The following ZDHHC2 variants were observed in gnomAD, a reference collection of about 807,000 sequenced individuals.
ZDHHC2 encodes the protein zDHHC palmitoyltransferase 2.
ZDHHC2 carries 51 observed loss-of-function variants against 55.6 expected under a neutral mutation model. The observed-to-expected ratio is 0.92, with a 90% CI of 0.73 to 1.16. The LOEUF (loss-of-function observed/expected upper bound fraction) is 1.16. Among genes scored for constraint, ZDHHC2 ranks in the 50% most tolerant of loss-of-function variants. The probability of loss-of-function intolerance (pLI) is 0.00; values close to 1 mark genes in which losing one functional copy is unlikely to be tolerated. For synonymous variants in ZDHHC2, 199 were observed against 152.9 expected (o/e 1.30, Z -2.22); for missense variants, 491 against 442.4 (o/e 1.11, Z -0.99).
intron 12 of ZDHHC2, 85 bp downstream of exon 12, chr8:17,217,331 A>G (rs945486469): frequency 4.0e-6 from 4 of 1,000,048 alleles, no homozygotes; most frequent in African/African-American, 1.6e-5. Context: ...AACATTTTTA[A>G]TAATTTGTGA....
chr8:17,192,289 G>A (rs1455337026), intron 3 of ZDHHC2, among the ~76,000 whole-genome samples: 1 of 152,056 alleles, frequency 6.6e-6, no homozygotes, highest in African/African-American at 2.4e-5. Context: ...CCTGCCCTTT[G>A]CCTATCTTTA....
chr8:17,178,975 G>A (rs1805294544), intron 1 of ZDHHC2, among the ~76,000 whole-genome samples: 1 of 151,912 alleles, frequency 6.6e-6, no homozygotes. Flanking sequence ...TTTTGAGACA[G>A]GGTCACGCTC....
intron 10 of ZDHHC2, among the ~76,000 whole-genome samples, chr8:17,211,841 C>G (rs1807397988): frequency 6.6e-6 from 1 of 151,886 alleles, no homozygotes. Context: ...TCCCACAGAG[C>G]TAAATGTTTA....
chr8:17,167,218 C>G (rs951042854), intron 1 of ZDHHC2, among the ~76,000 whole-genome samples: 4 of 151,952 alleles, frequency 2.6e-5, no homozygotes, highest in African/African-American at 9.7e-5. Context: ...ATGTTGAATC[C>G]TACATGAGGG....
At chr8:17,160,806 C>A (rs1054249785) in intron 1 of ZDHHC2, among the ~76,000 whole-genome samples, 2 of 152,200 alleles carry the variant, frequency 1.3e-5, no homozygotes, top group African/African-American at 4.8e-5. Context: ...CCACTCAACT[C>A]TGCTATCTTA....
intron 12 of ZDHHC2, among the ~76,000 whole-genome samples, chr8:17,219,403 A>C (rs1332858991): frequency 6.6e-6 from 1 of 152,004 alleles, no homozygotes; most frequent in Admixed American, 6.6e-5. Flanking sequence ...CTAAACCCAT[A>C]GTTAGTACTA....
chr8:17,162,014 T>C, intron 1 of ZDHHC2, among the ~76,000 whole-genome samples: 1 of 152,208 alleles, frequency 6.6e-6, no homozygotes. Flanking sequence ...AAATCAAAAA[T>C]TCAAATGTAT....
intron 4 of ZDHHC2, among the ~76,000 whole-genome samples, chr8:17,196,405 A>C (rs1051876073): frequency 6.6e-6 from 1 of 152,062 alleles, no homozygotes; most frequent in African/African-American, 2.4e-5. Context: ...ATATCTCATT[A>C]ATGAACAGAC....
At chr8:17,163,032 C>A (rs901831077) in intron 1 of ZDHHC2, 2 of 152,262 alleles carry the variant, frequency 1.3e-5, no homozygotes, top group Non-Finnish European at 2.9e-5. Flanking sequence ...TCACTTCTTA[C>A]CCGATGCTCG....
chr8:17,214,016 CT>C (rs1233757542), intron 10 of ZDHHC2, among the ~76,000 whole-genome samples: 1 of 152,022 alleles, frequency 6.6e-6, no homozygotes, highest in East Asian at 1.9e-4. Flanking sequence ...CGCATATATC[CT>C]TTAAAAACAT....
At position 17,222,907 on chromosome 8, in the gene ZDHHC2, A is replaced by C. The variant is rs961657193; in HGVS notation, c.*2686A>C. 6.6e-6 allele frequency: 1 copy of C among 151,910 alleles called. No homozygotes were observed. Among genetic ancestry groups the C allele is most frequent in the Admixed American group, 6.6e-5 (1 of 15,234 alleles). 9.4% of individuals were successfully genotyped at this position (151,910 alleles called of 1,614,324 possible). A position where few individuals can be genotyped will look rare whatever the true frequency, so the allele number is the denominator to read the frequency against. ...TGAGAAAATAAGGTATTTACTTTGT[A>C]GTAGTTAAGTGATTCTGAGGACAAT... On this transcript the variant is annotated 3_prime_UTR_variant, in exon 13 of 13. Transcript: ENST00000262096.
intron 3 of ZDHHC2, among the ~76,000 whole-genome samples, chr8:17,188,141 C>A (rs1362521828): frequency 6.6e-6 from 1 of 152,140 alleles, no homozygotes; most frequent in Non-Finnish European, 1.5e-5. Context: ...TGCCTAATGG[C>A]CTATCATCTA....
chr8:17,165,295 AT>A (rs1298155014), intron 1 of ZDHHC2, among the ~76,000 whole-genome samples: 1 of 152,234 alleles, frequency 6.6e-6, no homozygotes, highest in African/African-American at 2.4e-5. Flanking sequence ...GCAGTCAGGG[AT>A]TTATGTACTT....
At chr8:17,186,175 T>C (rs1805698606) in intron 2 of ZDHHC2, among the ~76,000 whole-genome samples, 156 bp from the exon 3 acceptor site, 1 of 152,206 alleles carries the variant, frequency 6.6e-6, no homozygotes, top group Non-Finnish European at 1.5e-5. Context: ...AATAAATTCG[T>C]TGAGTTGTGT....
intron 1 of ZDHHC2, among the ~76,000 whole-genome samples, chr8:17,175,438 T>C (rs1275197510): frequency 6.6e-6 from 1 of 152,222 alleles, no homozygotes; most frequent in Admixed American, 6.5e-5. Flanking sequence ...GCAGAAAATT[T>C]TAGCGTTACT....
intron 1 of ZDHHC2, among the ~76,000 whole-genome samples, chr8:17,174,243 G>A (rs778224710): frequency 6.6e-5 from 10 of 151,726 alleles, no homozygotes; most frequent in Non-Finnish European, 1.0e-4. Flanking sequence ...TGCATGCCAC[G>A]ATGCCCTGCT....
At chr8:17,190,050 T>C (rs566621686) in intron 3 of ZDHHC2, among the ~76,000 whole-genome samples, 36 of 152,256 alleles carry the variant, frequency 2.4e-4, no homozygotes, top group African/African-American at 7.2e-4. Context: ...AGGACTTCAA[T>C]TGAAGCATGG....
At chr8:17,182,056 A>G (rs1054995339) in intron 1 of ZDHHC2, among the ~76,000 whole-genome samples, 1 of 152,222 alleles carries the variant, frequency 6.6e-6, no homozygotes, top group African/African-American at 2.4e-5. Context: ...TTGAAAGAAC[A>G]TTCATTTCCT....
intron 6 of ZDHHC2, among the ~76,000 whole-genome samples, chr8:17,201,668 T>A (rs993756331): frequency 1.4e-5 from 2 of 147,754 alleles, no homozygotes; most frequent in East Asian, 3.9e-4. Context: ...GTTTTTGGTT[T>A]TTTTTTTTTT....
Sources: allele counts gnomAD v4.1 joint callset (sites outside exome capture counted in the v4.1 genomes callset), GRCh38; gene constraint gnomAD v4.1.1; transcripts MANE v1.5; gene names NCBI Gene and HGNC (gene_info 2026-07-23, HGNC 2026-07-21).